CDC42BPB: variants seen among roughly 807,000 people sequenced by gnomAD.
The protein encoded by CDC42BPB is CDC42 binding protein kinase beta.
Under a neutral mutation model 214.9 loss-of-function variants are expected in CDC42BPB, and 37 were observed. The ratio of observed to expected loss-of-function variants is 0.17; its 90% confidence interval spans 0.13 to 0.23. CDC42BPB has a LOEUF of 0.23. Among genes scored for constraint, CDC42BPB ranks in the 10% least tolerant of loss-of-function variants. The pLI is 1.00. For synonymous variants in CDC42BPB, 931 were observed against 884.0 expected, an observed-to-expected ratio of 1.05 and a Z score of -0.94; for missense variants, 1,694 against 2,227.0, an observed-to-expected ratio of 0.76 and a Z score of 4.82.
intron 1 of CDC42BPB, among the ~76,000 whole-genome samples, chr14:103,020,197 T>C (rs1379689179): frequency 6.6e-6 from 1 of 152,208 alleles, no homozygotes; most frequent in African/African-American, 2.4e-5. Context: ...CATTTGGAAT[T>C]GGAAAGAGTC....
At position 102,980,971 on chromosome 14, in the gene CDC42BPB, C is replaced by T. The variant is rs1337088959; in HGVS notation, c.942G>A (p.Lys314=). 1.2e-6 allele frequency: 2 copies of T among 1,614,178 alleles called. No homozygotes were observed. The highest frequency in any genetic ancestry group is 1.1e-5 in the South Asian group (1 of 91,082). The change falls in exon 8 of 37, where the codon AAG becomes AAA. Residue 314 remains lysine (K), a synonymous_variant. Transcript: ENST00000361246. Reference sequence around the variant, plus strand: ...TGCAGATCAGTCTCTGGATGAGGTCCTTCGCTTCTTCAGATACATCCGTGA... The same window carrying T: ...TGCAGATCAGTCTCTGGATGAGGTCTTTCGCTTCTTCAGATACATCCGTGA... ...SHVTDVSEEA[K]DLIQRLICSR... is the part of the protein sequence containing the mutation.
chr14:102,933,758 C>G lies in CDC42BPB; in HGVS notation c.5090G>C (p.Ser1697Thr). 1.3e-6 allele frequency: 2 copies of G among 1,497,490 alleles called. No individual in the cohort carries two copies. The highest frequency in any genetic ancestry group is 8.8e-7 in the Non-Finnish European group (1 of 1,138,220). 92.8% of individuals were successfully genotyped at this position (1,497,490 alleles called of 1,614,324 possible). The change falls in exon 37 of 37, where the codon AGC (serine) becomes ACC (threonine). Residue 1697 changes from serine (S) to threonine (T), a missense_variant. Ser to Thr is a moderately conservative substitution (Grantham distance 58). This residue lies in a region of CDC42BPB where 146 missense variants were observed against 134.1 expected (regional missense o/e 1.09). Transcript: ENST00000361246. ...GPPSPNSPHR[S>T]QLPLEGLEQP... ...CTCCAGGCCTTCGAGGGGGAGCTGG[C>G]TCCTGTGGGGGGAGTTGGGGCTCGG...
intron 1 of CDC42BPB, among the ~76,000 whole-genome samples, chr14:103,031,421 A>G (rs1210559322): frequency 6.6e-6 from 1 of 152,238 alleles, no homozygotes; most frequent in Non-Finnish European, 1.5e-5. Context: ...ACTTTACGGC[A>G]AAGTCAGCAA....
chr14:103,009,879 T>C (rs1018952332), intron 2 of CDC42BPB, among the ~76,000 whole-genome samples: 1 of 152,232 alleles, frequency 6.6e-6, no homozygotes, highest in Admixed American at 6.5e-5. Flanking sequence ...CAGTGGCTCA[T>C]GCCTATAATC....
intron 8 of CDC42BPB, among the ~76,000 whole-genome samples, chr14:102,979,483 A>G (rs1048614390): frequency 6.6e-6 from 1 of 152,154 alleles, no homozygotes; most frequent in Non-Finnish European, 1.5e-5. Context: ...AAGTTCTGGG[A>G]CTACAGGGGT....
chr14:103,007,169 A>C (rs1312991999), intron 3 of CDC42BPB, among the ~76,000 whole-genome samples: 1 of 152,232 alleles, frequency 6.6e-6, no homozygotes. Flanking sequence ...CAGGCCACCG[A>C]CATTTTGAGA....
intron 4 of CDC42BPB, among the ~76,000 whole-genome samples, chr14:103,000,996 T>C (rs1013133877): frequency 6.6e-6 from 1 of 152,204 alleles, no homozygotes. Context: ...ACCGGTGGGC[T>C]TGTCTGAGGA....
At chr14:102,953,903 G>A (rs1892600574) in intron 23 of CDC42BPB, among the ~76,000 whole-genome samples, 2 of 152,218 alleles carry the variant, frequency 1.3e-5, no homozygotes, top group South Asian at 4.1e-4. Flanking sequence ...TGTGGAGAGG[G>A]GAATATGGCT....
intron 1 of CDC42BPB, among the ~76,000 whole-genome samples, chr14:103,052,366 A>T (rs1413013125): frequency 5.3e-5 from 8 of 152,248 alleles, no homozygotes; most frequent in Non-Finnish European, 1.2e-4. Context: ...ATGTTATGCA[A>T]ATATTCTATC....
At chr14:103,008,843 A>G (rs1223093420) in intron 2 of CDC42BPB, 1 of 179,886 alleles carries the variant, frequency 5.6e-6, no homozygotes, top group Admixed American at 6.5e-5. Context: ...GACTCCTGAG[A>G]CACCTATGAG....
chr14:103,031,282 A>C (rs374261832), intron 1 of CDC42BPB, among the ~76,000 whole-genome samples: 53 of 152,268 alleles, frequency 3.5e-4, no homozygotes, highest in African/African-American at 1.1e-3. Flanking sequence ...TTTTCACAGA[A>C]GACTTGAAAA....
intron 1 of CDC42BPB, among the ~76,000 whole-genome samples, chr14:103,043,952 G>A (rs1888150276): frequency 6.6e-6 from 1 of 152,118 alleles, no homozygotes; most frequent in Admixed American, 6.6e-5. Flanking sequence ...CCATGTCAAT[G>A]TCTGATGTTT....
intron 1 of CDC42BPB, among the ~76,000 whole-genome samples, chr14:103,051,187 A>G (rs534801797): frequency 2.0e-5 from 3 of 149,790 alleles, no homozygotes; most frequent in Non-Finnish European, 4.4e-5. Flanking sequence ...CGCAGTTCAC[A>G]TTGCCAAAAC....
intron 1 of CDC42BPB, among the ~76,000 whole-genome samples, chr14:103,052,524 G>C (rs974617545): frequency 8.5e-5 from 13 of 152,142 alleles, no homozygotes; most frequent in Non-Finnish European, 1.5e-4. Context: ...CTCACACCTT[G>C]GGCTGGCCAT....
chr14:103,037,748 A>G (rs1887746057), intron 1 of CDC42BPB, among the ~76,000 whole-genome samples: 2 of 152,094 alleles, frequency 1.3e-5, no homozygotes, highest in African/African-American at 2.4e-5. Flanking sequence ...AAAGAATTTT[A>G]GGCCGGGCGT....
intron 1 of CDC42BPB, chr14:103,012,465 C>G (rs1186842531): frequency 6.4e-6 from 1 of 157,090 alleles, no homozygotes; most frequent in African/African-American, 2.4e-5. Context: ...AGTGATCCCA[C>G]AAGATTTATA....
At chr14:103,036,885 T>C (rs1226034403) in intron 1 of CDC42BPB, among the ~76,000 whole-genome samples, 1 of 152,160 alleles carries the variant, frequency 6.6e-6, no homozygotes, top group Non-Finnish European at 1.5e-5. Context: ...GGCACAATCA[T>C]GGTTCACTGC....
intron 6 of CDC42BPB, among the ~76,000 whole-genome samples, chr14:102,985,762 C>G (rs936728876): frequency 2.0e-5 from 3 of 152,244 alleles, no homozygotes; most frequent in African/African-American, 7.2e-5. Flanking sequence ...AAAGAAAAGA[C>G]TCCAAACATG....
intron 1 of CDC42BPB, among the ~76,000 whole-genome samples, chr14:103,049,840 A>C (rs1483036524): frequency 6.6e-6 from 1 of 152,184 alleles, no homozygotes; most frequent in African/African-American, 2.4e-5. Flanking sequence ...CAGCCTCCTG[A>C]GTAGCTGGGA....
Sources: gnomAD v4.1 joint callset for allele counts (sites outside exome capture counted in the v4.1 genomes callset) on GRCh38, gnomAD v4.1.1 for gene constraint, gnomAD v4.1.1 regional missense constraint, MANE v1.5 for transcripts, NCBI Gene and HGNC (gene_info 2026-07-23, HGNC 2026-07-21) for gene names.